RICTOR: variants seen among roughly 807,000 people sequenced by gnomAD.
The protein encoded by RICTOR is RPTOR independent companion of MTOR complex 2.
Under a neutral mutation model 214.9 loss-of-function variants are expected in RICTOR, and 49 were observed. The observed-to-expected ratio is 0.23, with a 90% CI of 0.18 to 0.29. The LOEUF (loss-of-function observed/expected upper bound fraction) is 0.29. RICTOR is among the 10% of genes least tolerant of loss of function. RICTOR has a pLI of 1.00. For missense variants in RICTOR, 1,625 were observed against 2,047.0 expected (o/e 0.79, Z 3.98); for synonymous variants, 717 against 711.3 (o/e 1.01, Z -0.13).
intron 3 of RICTOR, among the ~76,000 whole-genome samples, chr5:39,015,973 T>C (rs1754909417): frequency 1.3e-5 from 2 of 152,090 alleles, no homozygotes; most frequent in South Asian, 4.1e-4. Flanking sequence ...AGCTCATGCT[T>C]TTCCCAGCAC....
intron 15 of RICTOR, among the ~76,000 whole-genome samples, chr5:38,965,916 T>A (rs1750176873): frequency 6.6e-6 from 1 of 152,140 alleles, no homozygotes; most frequent in South Asian, 2.1e-4. Flanking sequence ...TCTTCCTTAA[T>A]GAGTTTTAAA....
chr5:39,041,550 A>T (rs188154362), intron 2 of RICTOR, among the ~76,000 whole-genome samples: 1 of 152,298 alleles, frequency 6.6e-6, no homozygotes, highest in Admixed American at 6.5e-5. Flanking sequence ...TAGAAGTTAA[A>T]AAAATTTTCT....
intron 3 of RICTOR, among the ~76,000 whole-genome samples, chr5:39,013,842 A>G (rs1239703975): frequency 6.6e-6 from 1 of 152,128 alleles, no homozygotes; most frequent in Non-Finnish European, 1.5e-5. Context: ...ATATACACAC[A>G]TACACATTTA....
intron 6 of RICTOR, among the ~76,000 whole-genome samples, chr5:38,993,929 T>C (rs762172681): frequency 1.3e-5 from 2 of 152,184 alleles, no homozygotes; most frequent in Non-Finnish European, 2.9e-5. Flanking sequence ...ACGCCTGTAA[T>C]CCCAGCACTC....
At chr5:38,946,676 G>GT (rs1367303666) in intron 32 of RICTOR, 124 bp from the exon 33 acceptor site, 16 of 616,308 alleles carry the variant, frequency 2.6e-5, no homozygotes, top group Middle Eastern at 4.3e-4. Context: ...CTATAATCAA[G>GT]TTTACTGAAG....
chr5:39,022,113 G>A (rs1408632529), intron 2 of RICTOR, among the ~76,000 whole-genome samples: 1 of 152,156 alleles, frequency 6.6e-6, no homozygotes. Context: ...CTTTGTGTTA[G>A]ATAGTCTTGC....
At chr5:39,046,439 C>CT (rs33965533) in intron 2 of RICTOR, among the ~76,000 whole-genome samples, 76,759 of 138,698 alleles carry the variant, frequency 0.55, 21,404 homozygotes, top group African/African-American at 0.65. Context: ...TGAAATATTA[C>CT]TTTTTTTTTT....
intron 2 of RICTOR, among the ~76,000 whole-genome samples, chr5:39,050,654 A>G (rs143100111): frequency 6.6e-6 from 1 of 152,258 alleles, no homozygotes; most frequent in East Asian, 1.9e-4. Flanking sequence ...ACTTACTGTT[A>G]ATTTACTCAG....
intron 2 of RICTOR, among the ~76,000 whole-genome samples, chr5:39,044,353 G>C (rs1479760128): frequency 6.6e-6 from 1 of 152,052 alleles, no homozygotes; most frequent in African/African-American, 2.4e-5. Flanking sequence ...TAGTAAACAA[G>C]ACTATGCTTC....
At chr5:39,063,865 C>T (rs75235093) in intron 2 of RICTOR, among the ~76,000 whole-genome samples, 4,763 of 151,388 alleles carry the variant, frequency 0.031, 127 homozygotes, top group South Asian at 0.082. Flanking sequence ...AATTGAAGGA[C>T]GCAGATTCTT....
chr5:39,037,348 G>A (rs1756796866), intron 2 of RICTOR, among the ~76,000 whole-genome samples: 1 of 151,760 alleles, frequency 6.6e-6, no homozygotes, highest in South Asian at 2.1e-4. Flanking sequence ...AGCACTAAAT[G>A]CCCACAAGAG....
intron 16 of RICTOR, 30 bp downstream of exon 16, chr5:38,964,762 C>T (rs1043896374): frequency 8.5e-7 from 1 of 1,170,476 alleles, no homozygotes; most frequent in Non-Finnish European, 1.2e-6. Context: ...ATATATCAAA[C>T]AAAAGCTTTG....
At chr5:39,024,458 T>C (rs1755659071) in intron 2 of RICTOR, among the ~76,000 whole-genome samples, 1 of 152,220 alleles carries the variant, frequency 6.6e-6, no homozygotes, top group Non-Finnish European at 1.5e-5. Context: ...TTGAAAAGAC[T>C]ATAGGAGAAT....
chr5:38,951,390 G>A (rs958923977), intron 30 of RICTOR, among the ~76,000 whole-genome samples: 5 of 151,918 alleles, frequency 3.3e-5, no homozygotes, highest in African/African-American at 1.2e-4. Flanking sequence ...AAAATCCTAA[G>A]TGAATTTGCA....
chr5:39,072,538 C>T (rs933870826), intron 2 of RICTOR, among the ~76,000 whole-genome samples: 14 of 152,192 alleles, frequency 9.2e-5, no homozygotes, highest in African/African-American at 3.4e-4. Context: ...TCATCTAAAA[C>T]ACATATGCCT....
rs1358313435 is a variant in RICTOR, at chr5:38,967,079, G to A, written c.1218+82C>T. The A allele has an allele frequency of 2.8e-6, 3 of 1,078,926 alleles. No individual in the cohort carries two copies. In the Admixed American group the frequency reaches 5.2e-5, roughly 19 times the overall value. 66.8% of individuals were successfully genotyped at this position (1,078,926 alleles called of 1,614,324 possible). A position where few individuals can be genotyped will look rare whatever the true frequency, so the allele number is the denominator to read the frequency against. The stretch of plus-strand genomic sequence containing the variant: ...GCTTCTCAAAGTGTTGGGATTACAG[G>A]CGTGAGTCACCACACCTGGCATGAA... On this transcript the variant is annotated intron_variant, in intron 14 of 37. Transcript: ENST00000357387.
intron 5 of RICTOR, 49 bp from the exon 6 acceptor site, chr5:38,996,931 C>T (rs779230957): frequency 5.2e-5 from 65 of 1,260,160 alleles, no homozygotes; most frequent in Non-Finnish European, 7.3e-5. Context: ...TATTAAACAA[C>T]TTTTTGTATC....
chr5:38,955,174 T>C (rs1433227974), intron 26 of RICTOR, among the ~76,000 whole-genome samples: 1 of 152,058 alleles, frequency 6.6e-6, no homozygotes, highest in African/African-American at 2.4e-5. Context: ...AAATTATGTT[T>C]AGGCTACGTG....
chr5:39,061,967 T>G (rs1246837022), intron 2 of RICTOR, among the ~76,000 whole-genome samples: 1 of 151,922 alleles, frequency 6.6e-6, no homozygotes. Context: ...AATAAGGTGG[T>G]TTAAGCATTT....
Sources: allele counts gnomAD v4.1 joint callset (sites outside exome capture counted in the v4.1 genomes callset), GRCh38; gene constraint gnomAD v4.1.1; transcripts MANE v1.5; gene names NCBI Gene and HGNC (gene_info 2026-07-23, HGNC 2026-07-21).